Variants in TRIM48 observed in about 807,000 individuals in gnomAD.
The protein encoded by TRIM48 is E3 ubiquitin-protein ligase TRIM48.
In TRIM48, 31 loss-of-function variants were observed where a neutral mutation model predicts 29.5. The observed-to-expected ratio is 1.05, with a 90% CI of 0.79 to 1.42. The LOEUF is 1.42. Ranked by LOEUF, TRIM48 falls within the 40% of genes most tolerant of loss-of-function variation. TRIM48 has a pLI of 0.00. For missense variants in TRIM48, 344 were observed against 265.0 expected (o/e 1.30, Z -2.07); for synonymous variants, 128 against 90.6 (o/e 1.41, Z -2.34).
At chr11:55,266,563 G>A (rs1354428126) in intron 3 of TRIM48, among the ~76,000 whole-genome samples, 1 of 147,680 alleles carries the variant, frequency 6.8e-6, no homozygotes, top group Non-Finnish European at 1.5e-5. Context: ...AGTGTGGTAA[G>A]TTCTTTGTTG....
intron 5 of TRIM48, 146 bp downstream of exon 5, chr11:55,269,485 G>C (rs1174205517): frequency 8.5e-7 from 1 of 1,170,482 alleles, no homozygotes. Context: ...TTTTGTATCT[G>C]TGTCTGTATA....
Position 55,270,742 on chromosome 11 carries a change from T to A in TRIM48, c.*307T>A, listed in dbSNP as rs188726270. ...TGGGTGTGTTAAGAACGACATTCAG[T>A]GCAGTCTCTTTACCACCTCCCCAAT... On this transcript the variant is annotated 3_prime_UTR_variant, in exon 6 of 6. Coordinates refer to ENST00000417545, the MANE Select transcript of TRIM48 (RefSeq NM_024114.5). The A allele has an allele frequency of 4.9e-4, 760 of 1,564,548 alleles. 59 individuals are homozygous for A. In the African/African-American group the frequency reaches 9.1e-3, roughly 19 times the overall value.
intron 3 of TRIM48, among the ~76,000 whole-genome samples, chr11:55,266,811 C>A (rs1339383257): frequency 6.8e-6 from 1 of 147,044 alleles, no homozygotes; most frequent in Non-Finnish European, 1.5e-5. Flanking sequence ...ACAGCATATG[C>A]AGTAATTTTG....
At position 55,267,845 on chromosome 11, in the gene TRIM48, A is replaced by G. The variant is rs557626534; in HGVS notation, c.556-505A>G. 1.4e-5 allele frequency among the ~76,000 whole-genome samples: 2 copies of G among 148,046 alleles called. 1 individual carries two copies. Among genetic ancestry groups the G allele is most frequent in the South Asian group, 4.8e-4 (2 of 4,126 alleles). ...GTCCCTCCTACTTTATCCACCAGCC[A>G]CAAAACTTTGTGGAATGGTCAAGGT... On this transcript the variant is annotated intron_variant, in intron 3 of 5. Transcript: ENST00000417545.
Position 55,262,216 on chromosome 11 carries a change from C to G in TRIM48, c.-52C>G. ...AGCTGTGTTTTGGTGACCTCTGAAA[C>G]TCAGTACTGCAGCGAATGAGCTCCT... On this transcript the variant is annotated 5_prime_UTR_variant, in exon 1 of 6. Coordinates refer to ENST00000417545, the MANE Select transcript of TRIM48 (RefSeq NM_024114.5). 6.8e-7 allele frequency: 1 copy of G among 1,465,508 alleles called. No individual in the cohort carries two copies. Among genetic ancestry groups the G allele is most frequent in the Non-Finnish European group, 9.3e-7 (1 of 1,070,654 alleles). The allele number at this position is 1,465,508 out of a possible 1,614,324, so 90.8% of individuals were successfully genotyped here. A position where few individuals can be genotyped will look rare whatever the true frequency, so the allele number is the denominator to read the frequency against.
rs138928162 is a variant in TRIM48, at chr11:55,262,180, C to T, written c.-88C>T. 155 of 991,478 alleles carry T rather than the reference C, an allele frequency of 1.6e-4. 1 individual carries two copies. The East Asian group carries it at 3.9e-3, about 25-fold the overall frequency. The allele number at this position is 991,478 out of a possible 1,614,324, so 61.4% of individuals were successfully genotyped here. On this transcript the variant is annotated 5_prime_UTR_variant, in exon 1 of 6. Coordinates refer to ENST00000417545, the MANE Select transcript of TRIM48 (RefSeq NM_024114.5). ...AGTTTTCTCCAAAGGAGAAGGAGTGCACTTAGAGGGAGCTGTGTTTTGGTG... is the reference window on the plus strand; with the variant it reads ...AGTTTTCTCCAAAGGAGAAGGAGTGTACTTAGAGGGAGCTGTGTTTTGGTG...
intron 1 of TRIM48, among the ~76,000 whole-genome samples, chr11:55,262,971 G>T (rs12099133): frequency 2.2e-4 from 34 of 152,054 alleles, no homozygotes; most frequent in Admixed American, 2.2e-3. Context: ...ATTCAGCAGC[G>T]TTATCAAATA....
intron 3 of TRIM48, 43 bp from the exon 4 acceptor site, chr11:55,268,307 T>A: frequency 6.8e-7 from 1 of 1,465,018 alleles, no homozygotes; most frequent in Non-Finnish European, 9.4e-7. Flanking sequence ...GAAAGATGCA[T>A]CTTGTGAACT....
intron 4 of TRIM48, among the ~76,000 whole-genome samples, chr11:55,268,743 T>G (rs964531106): frequency 2.0e-5 from 3 of 147,702 alleles, no homozygotes; most frequent in Non-Finnish European, 4.5e-5. Flanking sequence ...TATACACATA[T>G]CAGTTAACAG....
chr11:55,265,625 C>A lies in TRIM48; in HGVS notation c.485C>A (p.Ser162Tyr), dbSNP rs745847123. ...HWEKLLKKMQ[S>Y]LWEKACENQR... The stretch of plus-strand genomic sequence containing the variant: ...GAGAAGCTTTTAAAGAAAATGCAGT[C>A]TTTATGGGAAAAAGCTTGTGAAAAT... The change falls in exon 3 of 6, where the codon TCT becomes TAT. Residue 162 changes from serine to tyrosine, a missense_variant. Transcript: ENST00000417545. The A allele has an allele frequency of 1.3e-6, 2 of 1,581,912 alleles. No homozygotes were observed. Among genetic ancestry groups the A allele is most frequent in the Non-Finnish European group, 8.6e-7 (1 of 1,165,526 alleles).
Position 55,266,900 on chromosome 11 carries a change from G to A in TRIM48, c.555+1205G>A, listed in dbSNP as rs1161393658. Among the ~76,000 whole-genome samples, 2 of 147,292 alleles carry A rather than the reference G, an allele frequency of 1.4e-5. 1 individual carries two copies. Among genetic ancestry groups the A allele is most frequent in the Non-Finnish European group, 3.0e-5 (2 of 66,792 alleles). On this transcript the variant is annotated intron_variant, in intron 3 of 5. Coordinates refer to ENST00000417545, the MANE Select transcript of TRIM48 (RefSeq NM_024114.5). ...GGGATGACTTAGAAAAAGAATGGAA[G>A]GAAATGAATTCAGGGAGACAAAAAT...
chr11:55,266,559 G>GT (rs756828377), intron 3 of TRIM48, among the ~76,000 whole-genome samples: 2 of 147,606 alleles, frequency 1.4e-5, no homozygotes, highest in African/African-American at 2.5e-5. Flanking sequence ...TTCGAGTGTG[G>GT]TAAGTTCTTT....
intron 3 of TRIM48, among the ~76,000 whole-genome samples, chr11:55,267,257 A>C (rs3862654): frequency 0.093 from 13,658 of 147,484 alleles, 1,796 homozygotes; most frequent in Middle Eastern, 0.15. Context: ...TTTATGCAGA[A>C]AGAAAGGAAA....
chr11:55,270,521 G>C lies in TRIM48; in HGVS notation c.*86G>C. On this transcript the variant is annotated 3_prime_UTR_variant, in exon 6 of 6. Coordinates refer to ENST00000417545, the MANE Select transcript of TRIM48 (RefSeq NM_024114.5). ...AGAAGCATTTGTATTGGATGTGACC[G>C]TCAAAATCCGCCCCATATCACTGCA... is the stretch of plus-strand genomic sequence containing the variant. 4 of 1,580,558 alleles carry C rather than the reference G, an allele frequency of 2.5e-6. No homozygotes were observed. Among genetic ancestry groups the C allele is most frequent in the Non-Finnish European group, 3.4e-6 (4 of 1,164,416 alleles).
intron 1 of TRIM48, 75 bp downstream of exon 1, chr11:55,262,386 C>T: frequency 1.9e-6 from 2 of 1,058,510 alleles, no homozygotes; most frequent in Non-Finnish European, 1.4e-6. Context: ...TTAAAAATAT[C>T]TCATTATCTT....
intron 5 of TRIM48, among the ~76,000 whole-genome samples, chr11:55,270,093 G>A (rs914292151): frequency 1.4e-5 from 2 of 148,122 alleles, no homozygotes; most frequent in Non-Finnish European, 3.0e-5. Context: ...TTAAGAATAA[G>A]AAACATTTCT....
intron 3 of TRIM48, among the ~76,000 whole-genome samples, chr11:55,266,965 C>T (rs1181709645): frequency 2.0e-5 from 3 of 147,566 alleles, no homozygotes; most frequent in Admixed American, 6.9e-5. Context: ...ATAGGTTTTG[C>T]TGGGCGAAAT....
rs950030636 is a variant in TRIM48, at chr11:55,268,628, A to T, written c.578+256A>T. ...GCTTAAAAGCCTGCATAGGTGAAAG[A>T]TGAAGTTTTGTTTTGTGGATGGTGA... is the stretch of plus-strand genomic sequence containing the variant. On this transcript the variant is annotated intron_variant, in intron 4 of 5. Transcript: ENST00000417545. Among the ~76,000 whole-genome samples, 15 of 148,012 alleles carry T rather than the reference A, an allele frequency of 1.0e-4. 1 individual carries two copies. The highest frequency in any genetic ancestry group is 3.7e-4 in the African/African-American group (15 of 40,458).
intron 4 of TRIM48, among the ~76,000 whole-genome samples, chr11:55,268,919 G>C (rs1465165431): frequency 6.8e-6 from 1 of 147,774 alleles, no homozygotes; most frequent in East Asian, 2.2e-4. Flanking sequence ...CTCTATTTCA[G>C]ACAAAGATGT....
Sources: gnomAD v4.1 joint callset for allele counts (sites outside exome capture counted in the v4.1 genomes callset) on GRCh38, gnomAD v4.1.1 for gene constraint, MANE v1.5 for transcripts, NCBI Gene and HGNC (gene_info 2026-07-23, HGNC 2026-07-21) for gene names.